MYBPC1: variants seen among roughly 807,000 people sequenced by gnomAD.
MYBPC1 encodes the protein myosin binding protein C1.
In MYBPC1, 52 loss-of-function variants were observed where a neutral mutation model predicts 147.1. That is an observed-to-expected ratio of 0.35 (90% CI 0.28 to 0.45). The LOEUF (loss-of-function observed/expected upper bound fraction) is 0.45. Ranked by LOEUF, MYBPC1 falls within the 20% of genes least tolerant of loss-of-function variation. The pLI is 1.00. For missense variants in MYBPC1, 1,228 were observed against 1,440.3 expected (o/e 0.85, Z 2.39); for synonymous variants, 477 against 475.9 (o/e 1.00, Z -0.03).
At chr12:101,662,658 G>A in intron 21 of MYBPC1, 112 bp downstream of exon 21, 1 of 1,219,230 alleles carries the variant, frequency 8.2e-7, no homozygotes, top group Non-Finnish European at 1.2e-6. Flanking sequence ...AGTTGTAGGT[G>A]GGCAGGAGCT....
At chr12:101,616,680 T>C (rs1192513649) in intron 2 of MYBPC1, among the ~76,000 whole-genome samples, 7 of 152,200 alleles carry the variant, frequency 4.6e-5, no homozygotes, top group African/African-American at 1.7e-4. Context: ...TTTGCATTTA[T>C]TGCCACTAAA....
chr12:101,615,526 G>A (rs1178533097), intron 2 of MYBPC1, among the ~76,000 whole-genome samples: 1 of 152,102 alleles, frequency 6.6e-6, no homozygotes, highest in Non-Finnish European at 1.5e-5. Context: ...GATGTAGTGG[G>A]GAACTCTACA....
chr12:101,636,596 T>C, intron 9 of MYBPC1, 76 bp from the exon 10 acceptor site: 1 of 1,201,874 alleles, frequency 8.3e-7, no homozygotes, highest in Non-Finnish European at 1.2e-6. Flanking sequence ...ATACGTTACA[T>C]GTAGAGTGTT....
chr12:101,681,570 ATATATATATATATATATATATATTTTTT>A (rs1566019328), intron 29 of MYBPC1, among the ~76,000 whole-genome samples: 4 of 16,544 alleles, frequency 2.4e-4, no homozygotes, highest in African/African-American at 7.1e-4. Context: ...ATATATATAT[ATATATATATATATATATATATATTTTTT>A]TTTTTTTTTT....
At chr12:101,648,220 C>G (rs1335670615) in intron 14 of MYBPC1, 70 bp downstream of exon 14, 1 of 1,072,388 alleles carries the variant, frequency 9.3e-7, no homozygotes, top group Admixed American at 1.7e-5. Flanking sequence ...GTTGATAGAA[C>G]AGGAAGTACA....
Position 101,653,187 on chromosome 12 carries a change from G to A in MYBPC1, c.1706G>A (p.Arg569His), listed in dbSNP as rs149828249. The A allele has an allele frequency of 4.8e-5, 78 of 1,613,996 alleles. No homozygotes were observed. The South Asian group carries it at 5.5e-4, about 11-fold the overall frequency. ...TVTVIAGNKL[R>H]LEIPISGEPP... ...ACAGTGATTGCAGGAAACAAGCTTC[G>A]TCTTGAGATCCCCATCAGCGGAGAA... The change falls in exon 18 of 32, where the codon CGT becomes CAT. Residue 569 changes from arginine (R) to histidine (H), a missense_variant. Coordinates refer to ENST00000361466, the MANE Select transcript of MYBPC1 (RefSeq NM_002465.4).
intron 26 of MYBPC1, among the ~76,000 whole-genome samples, chr12:101,675,870 G>C (rs1006895828): frequency 6.6e-6 from 1 of 152,180 alleles, no homozygotes; most frequent in Non-Finnish European, 1.5e-5. Flanking sequence ...TGGATACTGT[G>C]CACTTATGTC....
At chr12:101,613,261 T>C (rs1884904205) in intron 1 of MYBPC1, among the ~76,000 whole-genome samples, 1 of 152,170 alleles carries the variant, frequency 6.6e-6, no homozygotes, top group African/African-American at 2.4e-5. Context: ...CTTCCTAGAC[T>C]AGAACGGGGC....
At position 101,629,502 on chromosome 12, in the gene MYBPC1, A is replaced by C. The variant is rs765231875; in HGVS notation, c.247A>C (p.Ile83Leu). Residue 83 changes from isoleucine (I) to leucine (L), a missense_variant, in exon 6 of 32, where the codon ATC (isoleucine) becomes CTC (leucine). This residue lies in a region of MYBPC1 where 151 missense variants were observed against 126.1 expected (regional missense o/e 1.20). Coordinates refer to ENST00000361466, the MANE Select transcript of MYBPC1 (RefSeq NM_002465.4). Reference sequence around the variant, plus strand: ...GCAGAATGCCAACTCCCAGCTGTCCATCTTGTTCATTGAAAAACCTCAAGG... The same window carrying C: ...GCAGAATGCCAACTCCCAGCTGTCCCTCTTGTTCATTGAAAAACCTCAAGG... The part of the protein sequence containing the change: ...AKQNANSQLS[I>L]LFIEKPQGGT... 4.3e-6 allele frequency: 7 copies of C among 1,613,874 alleles called. No homozygotes were observed. The highest frequency in any genetic ancestry group is 4.0e-5 in the African/African-American group (3 of 74,884).
At chr12:101,625,857 G>A (rs956002438) in intron 3 of MYBPC1, among the ~76,000 whole-genome samples, 13 of 151,872 alleles carry the variant, frequency 8.6e-5, no homozygotes, top group Admixed American at 4.6e-4. Context: ...AGGCCGAGGC[G>A]GGTGGATCAC....
intron 28 of MYBPC1, among the ~76,000 whole-genome samples, chr12:101,679,230 A>G (rs1471045759): frequency 2.0e-5 from 3 of 152,088 alleles, no homozygotes; most frequent in Non-Finnish European, 4.4e-5. Context: ...TTTACTTGGA[A>G]ATGATGTTGG....
chr12:101,666,794 C>T (rs773590284), intron 22 of MYBPC1: 15 of 1,612,544 alleles, frequency 9.3e-6, no homozygotes, highest in Non-Finnish European at 1.3e-5. Flanking sequence ...CTATGATCTG[C>T]CAGGTAAAGT....
Position 101,605,824 on chromosome 12 carries a change from T to C in MYBPC1, c.26-8672T>C, listed in dbSNP as rs1007231461. 2.6e-5 allele frequency among the ~76,000 whole-genome samples: 4 copies of C among 152,034 alleles called. No homozygotes were observed. In the East Asian group the frequency reaches 5.8e-4, roughly 22 times the overall value. ...TTGTACTGAGCCGAGATCATGCCAT[T>C]GCCCTCCAGCCTGGGCAACAAGAGC... On this transcript the variant is annotated intron_variant, in intron 1 of 31. Coordinates refer to ENST00000361466, the MANE Select transcript of MYBPC1 (RefSeq NM_002465.4).
intron 2 of MYBPC1, 137 bp downstream of exon 2, chr12:101,614,668 G>A (rs1885409277): frequency 2.4e-6 from 2 of 836,702 alleles, no homozygotes; most frequent in South Asian, 1.4e-5. Flanking sequence ...GGTGACCATT[G>A]TGATAAGTTG....
At chr12:101,657,972 T>C (rs919622755) in intron 18 of MYBPC1, among the ~76,000 whole-genome samples, 8 of 151,348 alleles carry the variant, frequency 5.3e-5, no homozygotes, top group African/African-American at 1.9e-4. Flanking sequence ...CTACTAAAAA[T>C]ACAAAAAAAA....
chr12:101,675,535 A>C, intron 26 of MYBPC1, 104 bp downstream of exon 26: 1 of 1,518,060 alleles, frequency 6.6e-7, no homozygotes, highest in Admixed American at 1.7e-5. Flanking sequence ...AACTGGGGCT[A>C]TGGAGAAGTG....
In MYBPC1 at chr12:101,680,522, G is replaced by A. The variant is rs753346937; in HGVS notation, c.3426G>A (p.Glu1142=). Residue 1142 remains glutamate (E), a synonymous_variant, in exon 29 of 32, where the codon GAG becomes GAA. Coordinates refer to ENST00000361466, the MANE Select transcript of MYBPC1 (RefSeq NM_002465.4). ...LGTVEIECKL[E]VKVIYQGVNT... is the part of the protein sequence containing the mutation. Reference sequence around the variant, plus strand: ...CAGTGGAGATTGAATGCAAACTGGAGGTGAAAGGTATGACATCCAATATCT... The same window carrying A: ...CAGTGGAGATTGAATGCAAACTGGAAGTGAAAGGTATGACATCCAATATCT... 5.0e-6 allele frequency: 8 copies of A among 1,613,910 alleles called. No homozygotes were observed. The highest frequency in any genetic ancestry group is 5.9e-6 in the Non-Finnish European group (7 of 1,179,836).
intron 19 of MYBPC1, 49 bp from the exon 20 acceptor site, chr12:101,661,109 C>A: frequency 8.2e-7 from 1 of 1,224,852 alleles, no homozygotes. Context: ...CTTTTTTTTT[C>A]TACTCCCTCT....
chr12:101,595,294 G>A (rs1047592559), intron 1 of MYBPC1, among the ~76,000 whole-genome samples, 199 bp downstream of exon 1: 4 of 152,090 alleles, frequency 2.6e-5, no homozygotes, highest in Non-Finnish European at 4.4e-5. Flanking sequence ...TTCTGATAAC[G>A]ATAGTTTCTA....
Sources: allele counts gnomAD v4.1 joint callset (sites outside exome capture counted in the v4.1 genomes callset), GRCh38; gene constraint gnomAD v4.1.1; regional missense constraint gnomAD v4.1.1; transcripts MANE v1.5; gene names NCBI Gene and HGNC (gene_info 2026-07-23, HGNC 2026-07-21).